SHISA9: variants seen among roughly 807,000 people sequenced by gnomAD.
SHISA9 encodes the protein protein shisa-9.
Under a neutral mutation model 38.0 loss-of-function variants are expected in SHISA9, and 13 were observed. That is an observed-to-expected ratio of 0.34 (90% CI 0.22 to 0.54). SHISA9 has a LOEUF of 0.54. Ranked by LOEUF, SHISA9 falls within the 20% of genes least tolerant of loss-of-function variation. The probability of loss-of-function intolerance (pLI) is 0.91; values close to 1 mark genes in which losing one functional copy is unlikely to be tolerated. For missense variants in SHISA9, 538 were observed against 575.8 expected, an observed-to-expected ratio of 0.93 and a Z score of 0.67; for synonymous variants, 275 against 242.0, an observed-to-expected ratio of 1.14 and a Z score of -1.27.
the SHISA9 span, among the ~76,000 whole-genome samples, chr16:13,317,519 G>A: frequency 6.6e-6 from 1 of 152,088 alleles, no homozygotes; most frequent in African/African-American, 2.4e-5. Flanking sequence ...TGTTACATAT[G>A]TATACATGTG....
chr16:13,028,795 C>A (rs1392957), intron 2 of SHISA9, among the ~76,000 whole-genome samples: 8 of 151,952 alleles, frequency 5.3e-5, no homozygotes, highest in Non-Finnish European at 1.0e-4. Context: ...GGTCATATGA[C>A]CATCCTTGAA....
At chr16:13,346,617 C>T in the SHISA9 span, among the ~76,000 whole-genome samples, 1 of 152,042 alleles carries the variant, frequency 6.6e-6, no homozygotes, top group Non-Finnish European at 1.5e-5. Context: ...GTGGAAGTCT[C>T]TTTTATTTTA....
chr16:13,327,348 T>G, the SHISA9 span, among the ~76,000 whole-genome samples: 3,163 of 152,160 alleles, frequency 0.021, 92 homozygotes, highest in African/African-American at 0.072. Context: ...ACGTGCGGTG[T>G]CTCATGCCTA....
intron 2 of SHISA9, among the ~76,000 whole-genome samples, chr16:13,003,721 G>A (rs990914228): frequency 2.0e-5 from 3 of 152,134 alleles, no homozygotes; most frequent in Non-Finnish European, 4.4e-5. Context: ...AGCCGGGCAT[G>A]GTGGTGTGTG....
At chr16:13,380,274 C>T in the SHISA9 span, among the ~76,000 whole-genome samples, 10 of 152,178 alleles carry the variant, frequency 6.6e-5, no homozygotes, top group Admixed American at 6.5e-4. Flanking sequence ...CTTTCTAACC[C>T]AGTGCTGAGA....
the SHISA9 span, chr16:13,474,416 A>C: frequency 6.6e-6 from 1 of 152,218 alleles, no homozygotes; most frequent in Admixed American, 6.5e-5. Context: ...TGTATGTGTC[A>C]GATAGTGGGT....
chr16:13,230,733 G>A (rs1409020339), intron 4 of SHISA9, among the ~76,000 whole-genome samples: 2 of 152,116 alleles, frequency 1.3e-5, no homozygotes, highest in African/African-American at 4.8e-5. Flanking sequence ...TAAAAGAATG[G>A]TTACTCCATA....
chr16:12,995,722 A>G (rs1308393226), intron 2 of SHISA9, among the ~76,000 whole-genome samples: 3 of 152,208 alleles, frequency 2.0e-5, no homozygotes, highest in African/African-American at 7.2e-5. Flanking sequence ...ACATGTTTGC[A>G]TTCATTTCTA....
intron 2 of SHISA9, among the ~76,000 whole-genome samples, chr16:13,078,685 C>T (rs1036957381): frequency 7.9e-5 from 12 of 152,190 alleles, no homozygotes; most frequent in Non-Finnish European, 1.3e-4. Flanking sequence ...GGATTACAGG[C>T]GTGAGCTACC....
At chr16:13,193,104 G>T (rs936063422) in intron 2 of SHISA9, among the ~76,000 whole-genome samples, 7 of 152,166 alleles carry the variant, frequency 4.6e-5, no homozygotes. Flanking sequence ...TTCAATGCGT[G>T]GTTCAATGCT....
chr16:13,161,613 G>T (rs1178786498), intron 2 of SHISA9, among the ~76,000 whole-genome samples: 1 of 152,138 alleles, frequency 6.6e-6, no homozygotes, highest in Non-Finnish European at 1.5e-5. Context: ...CCATGGTCAG[G>T]ACCCAAGCTG....
intron 2 of SHISA9, among the ~76,000 whole-genome samples, chr16:13,167,878 C>G (rs1429577464): frequency 1.3e-5 from 2 of 152,286 alleles, no homozygotes; most frequent in East Asian, 3.9e-4. Flanking sequence ...TGAGAACAGC[C>G]TAATACAGTC....
chr16:13,219,494 T>C (rs1200879733), intron 4 of SHISA9, among the ~76,000 whole-genome samples: 3 of 152,130 alleles, frequency 2.0e-5, no homozygotes, highest in Non-Finnish European at 4.4e-5. Flanking sequence ...TAAAATTTCC[T>C]CTCCTGAAAG....
At chr16:13,444,960 G>A in the SHISA9 span, among the ~76,000 whole-genome samples, 1 of 137,510 alleles carries the variant, frequency 7.3e-6, no homozygotes, top group African/African-American at 2.7e-5. Context: ...CTGGGACCAT[G>A]GGCACACACC....
the SHISA9 span, among the ~76,000 whole-genome samples, chr16:13,495,784 T>C: frequency 1.3e-5 from 2 of 151,870 alleles, no homozygotes; most frequent in Non-Finnish European, 2.9e-5. Context: ...AAATACAAAA[T>C]GTAATAGCAA....
At chr16:13,300,199 C>G in the SHISA9 span, among the ~76,000 whole-genome samples, 3 of 152,252 alleles carry the variant, frequency 2.0e-5, no homozygotes, top group Non-Finnish European at 4.4e-5. Flanking sequence ...TTCTTCCCTC[C>G]CCAGTACGCC....
At chr16:13,275,486 C>T in the SHISA9 span, among the ~76,000 whole-genome samples, 6,159 of 151,708 alleles carry the variant, frequency 0.041, 424 homozygotes, top group African/African-American at 0.14. Flanking sequence ...TGTATGAGTT[C>T]GATGTAGTAA....
intron 2 of SHISA9, among the ~76,000 whole-genome samples, chr16:13,144,859 C>A (rs1336358969): frequency 6.6e-6 from 1 of 152,070 alleles, no homozygotes; most frequent in Non-Finnish European, 1.5e-5. Context: ...CCTCCATCAA[C>A]TTTCACATTA....
chr16:13,452,303 T>G, the SHISA9 span, among the ~76,000 whole-genome samples: 1 of 152,222 alleles, frequency 6.6e-6, no homozygotes, highest in Non-Finnish European at 1.5e-5. Flanking sequence ...CTCTCCAGCT[T>G]AATTATAGAT....
Sources: gnomAD v4.1 joint callset for allele counts (sites outside exome capture counted in the v4.1 genomes callset) on GRCh38, gnomAD v4.1.1 for gene constraint, MANE v1.5 for transcripts, NCBI Gene and HGNC (gene_info 2026-07-23, HGNC 2026-07-21) for gene names.